The following DNAJC25 variants were observed in gnomAD, a reference collection of about 807,000 sequenced individuals.
DNAJC25 encodes dnaJ homolog subfamily C member 25.
DNAJC25 carries 26 observed loss-of-function variants against 42.1 expected under a neutral mutation model. The ratio of observed to expected loss-of-function variants is 0.62; its 90% CI spans 0.45 to 0.86. The LOEUF (loss-of-function observed/expected upper bound fraction) is 0.86, where lower values mean the gene tolerates loss of function less well. Ranked by LOEUF, DNAJC25 falls within the 40% of genes least tolerant of loss-of-function variation. The pLI is 0.00. For synonymous variants in DNAJC25, 189 were observed against 179.9 expected, an observed-to-expected ratio of 1.05 and a Z score of -0.40; for missense variants, 404 against 459.4, an observed-to-expected ratio of 0.88 and a Z score of 1.10.
At chr9:111,638,926 C>G (rs1325135540) in intron 1 of DNAJC25, among the ~76,000 whole-genome samples, 1 of 151,846 alleles carries the variant, frequency 6.6e-6, no homozygotes, top group East Asian at 1.9e-4. Flanking sequence ...GCTATATTTA[C>G]TACTCGTTTC....
At chr9:111,638,642 T>G (rs942309201) in intron 1 of DNAJC25, among the ~76,000 whole-genome samples, 4 of 152,166 alleles carry the variant, frequency 2.6e-5, no homozygotes, top group Admixed American at 2.6e-4. Context: ...AATTAAAAAC[T>G]TTGGTATCAT....
Position 111,647,232 on chromosome 9 carries a change from C to A in DNAJC25, c.462C>A (p.Val154=), listed in dbSNP as rs1340207596. 6.2e-7 allele frequency: 1 copy of A among 1,614,138 alleles called. No homozygotes were observed. Among genetic ancestry groups the A allele is most frequent in the African/African-American group, 1.3e-5 (1 of 75,042 alleles). The change falls in exon 2 of 4, where the codon GTC becomes GTA. Residue 154 remains valine, a synonymous_variant. Coordinates refer to ENST00000313525, the MANE Select transcript of DNAJC25 (RefSeq NM_001015882.3). Reference sequence around the variant, plus strand: ...TGGATGTTAGAGTAGTGATTTTGGTCAGCGTGTGTGCTATTTCGGTGTTTC... The same window carrying A: ...TGGATGTTAGAGTAGTGATTTTGGTAAGCGTGTGTGCTATTTCGGTGTTTC... ...PKVDVRVVIL[V]SVCAISVFQF...
At chr9:111,648,296 C>A (rs1830597215) in intron 2 of DNAJC25, among the ~76,000 whole-genome samples, 1 of 150,778 alleles carries the variant, frequency 6.6e-6, no homozygotes, top group South Asian at 2.1e-4. Flanking sequence ...GAGTCTCACT[C>A]TGTCACCCAG....
intron 1 of DNAJC25, chr9:111,642,860 T>A (rs752765767): frequency 3.8e-5 from 18 of 470,972 alleles, no homozygotes; most frequent in Non-Finnish European, 7.0e-5. Flanking sequence ...GTTCCAGTCC[T>A]CCTGCATATG....
chr9:111,636,750 T>C (rs1830367907), intron 1 of DNAJC25, among the ~76,000 whole-genome samples: 1 of 152,192 alleles, frequency 6.6e-6, no homozygotes, highest in Non-Finnish European at 1.5e-5. Flanking sequence ...GGAACAAAAC[T>C]CTTACCTTTT....
intron 1 of DNAJC25, among the ~76,000 whole-genome samples, chr9:111,633,720 T>C (rs1885501): frequency 0.28 from 43,188 of 151,986 alleles, 6,719 homozygotes; most frequent in East Asian, 0.44. Flanking sequence ...GAAATAGTGA[T>C]GGTAGAGATT....
intron 1 of DNAJC25, chr9:111,642,906 A>G (rs763671170): frequency 6.4e-6 from 3 of 471,012 alleles, no homozygotes; most frequent in Non-Finnish European, 1.3e-5. Flanking sequence ...ACACCAGCAG[A>G]AGCACCACAG....
At chr9:111,640,961 G>GC (rs1257587254) in intron 1 of DNAJC25, among the ~76,000 whole-genome samples, 1 of 100,484 alleles carries the variant, frequency 1.0e-5, no homozygotes. Context: ...GGGGGGGTCA[G>GC]CCCCCCGCCT....
rs1357262071 is a variant in DNAJC25 at position 111,654,338 on chromosome 9, A to G, written c.*1116A>G. On this transcript the variant is annotated 3_prime_UTR_variant, in exon 4 of 4. Transcript: ENST00000313525. Reference sequence around the variant, plus strand: ...ATTGCTTCATATTAATAAAATGGTTACAATATATCACAAGTTTGTTGATAT... The same window carrying G: ...ATTGCTTCATATTAATAAAATGGTTGCAATATATCACAAGTTTGTTGATAT... 6.6e-6 allele frequency: 1 copy of G among 152,250 alleles called. No homozygotes were observed. The highest frequency in any genetic ancestry group is 1.5e-5 in the Non-Finnish European group (1 of 68,046). The allele number at this position is 152,250 out of a possible 1,614,324, so 9.4% of individuals were successfully genotyped here.
At chr9:111,644,279 A>G (rs1315864566) in intron 1 of DNAJC25, among the ~76,000 whole-genome samples, 2 of 152,198 alleles carry the variant, frequency 1.3e-5, no homozygotes, top group East Asian at 1.9e-4. Context: ...CAGATTGCAC[A>G]GGCTCTGCTT....
intron 1 of DNAJC25, among the ~76,000 whole-genome samples, chr9:111,643,918 A>C (rs1159542904): frequency 6.6e-6 from 1 of 152,180 alleles, no homozygotes; most frequent in African/African-American, 2.4e-5. Flanking sequence ...AGGTTACTAA[A>C]GAGCAGAATT....
chr9:111,636,842 G>T (rs1472717524), intron 1 of DNAJC25, among the ~76,000 whole-genome samples: 2 of 152,114 alleles, frequency 1.3e-5, no homozygotes, highest in Non-Finnish European at 2.9e-5. Flanking sequence ...CTGGAAAAAT[G>T]ATGTGGTAGT....
Position 111,648,724 on chromosome 9 carries a change from A to T in DNAJC25, c.490-729A>T, listed in dbSNP as rs374921397. The stretch of plus-strand genomic sequence containing the variant: ...ACAATCTAATACTGTAGTAACTTTT[A>T]AAAAAATATTCTTAATAGATTGCTA... On this transcript the variant is annotated intron_variant, in intron 2 of 3. Coordinates refer to ENST00000313525, the MANE Select transcript of DNAJC25 (RefSeq NM_001015882.3). Among the ~76,000 whole-genome samples, 49 of 152,288 alleles carry T rather than the reference A, an allele frequency of 3.2e-4. 2 individuals are homozygous for T. In the South Asian group the frequency reaches 7.5e-3, roughly 23 times the overall value.
At position 111,649,842 on chromosome 9, in the gene DNAJC25, A is replaced by G; in HGVS notation, c.879A>G (p.Ser293=). 2 of 1,612,678 alleles carry G rather than the reference A, an allele frequency of 1.2e-6. No individual in the cohort carries two copies. Among genetic ancestry groups the G allele is most frequent in the South Asian group, 2.2e-5 (2 of 90,676 alleles). ...LYIIRKSMKM[S]KSQFDSLEDH... ...TTATACGTAAATCTATGAAGATGTC[A>G]AAGTCTCAATTTGATAGTCTAGAAG... is the stretch of plus-strand genomic sequence containing the variant. The change falls in exon 3 of 4, where the codon TCA becomes TCG. Residue 293 remains serine, a synonymous_variant. Coordinates refer to ENST00000313525, the MANE Select transcript of DNAJC25 (RefSeq NM_001015882.3).
intron 1 of DNAJC25, among the ~76,000 whole-genome samples, chr9:111,636,940 T>C (rs998448139): frequency 3.9e-5 from 6 of 152,330 alleles, no homozygotes; most frequent in African/African-American, 4.8e-5. Context: ...TCCCTACTTA[T>C]GGCCAAGGGT....
intron 1 of DNAJC25, among the ~76,000 whole-genome samples, chr9:111,639,990 G>A (rs565149277): frequency 1.1e-4 from 17 of 148,666 alleles, no homozygotes; most frequent in Non-Finnish European, 2.1e-4. Context: ...ATGCGGAGCC[G>A]AAGCTGGACT....
intron 1 of DNAJC25, among the ~76,000 whole-genome samples, chr9:111,639,855 A>C (rs980984097): frequency 6.6e-6 from 1 of 151,634 alleles, no homozygotes; most frequent in African/African-American, 2.4e-5. Flanking sequence ...TTAAATGTAA[A>C]ACTAGGACAC....
chr9:111,649,590 G>A lies in DNAJC25; in HGVS notation c.627G>A (p.Lys209=). ...KKAKEKGKNK[K]SKEEIRDEEE... is the part of the protein sequence containing the mutation. Reference sequence around the variant, plus strand: ...CCAAAGAAAAAGGCAAAAACAAAAAGTCCAAAGAAGAAATTCGTGACGAGG... The same window carrying A: ...CCAAAGAAAAAGGCAAAAACAAAAAATCCAAAGAAGAAATTCGTGACGAGG... The change falls in exon 3 of 4, where the codon AAG becomes AAA. Residue 209 remains lysine (K), a synonymous_variant. Coordinates refer to ENST00000313525, the MANE Select transcript of DNAJC25 (RefSeq NM_001015882.3). 2 of 1,614,036 alleles carry A rather than the reference G, an allele frequency of 1.2e-6. No individual in the cohort carries two copies. The highest frequency in any genetic ancestry group is 1.1e-5 in the South Asian group (1 of 91,070).
Position 111,647,247 on chromosome 9 carries a change from T to C in DNAJC25, c.477T>C (p.Ile159=). The change falls in exon 2 of 4, where the codon ATT becomes ATC. Residue 159 remains isoleucine, a synonymous_variant. Transcript: ENST00000313525. ...TGATTTTGGTCAGCGTGTGTGCTAT[T>C]TCGGTGTTTCAGGTATGTATCAATG... The part of the protein sequence containing the change: ...RVVILVSVCA[I]SVFQFFSWWN... 1 of 1,614,130 alleles carries C rather than the reference T, an allele frequency of 6.2e-7. No individual in the cohort carries two copies.
Sources: allele counts gnomAD v4.1 joint callset (sites outside exome capture counted in the v4.1 genomes callset), GRCh38; gene constraint gnomAD v4.1.1; transcripts MANE v1.5; gene names NCBI Gene and HGNC (gene_info 2026-07-23, HGNC 2026-07-21).